BDNF: variants seen among roughly 807,000 people sequenced by gnomAD.
BDNF encodes the protein neurotrophic factor BDNF precursor form.
BDNF carries 1 observed loss-of-function variant against 19.5 expected under a neutral mutation model. That is an observed-to-expected ratio of 0.05 (90% CI 0.02 to 0.24). The LOEUF is 0.24. Among genes scored for constraint, BDNF ranks in the 10% least tolerant of loss-of-function variants. The pLI is 1.00. For synonymous variants in BDNF, 100 were observed against 121.6 expected (o/e 0.82, Z 1.17); for missense variants, 195 against 317.6 (o/e 0.61, Z 2.93).
At chr11:27,704,765 C>G (rs753936678), upstream of BDNF, among the ~76,000 whole-genome samples, 1 of 152,268 alleles carries the variant, frequency 6.6e-6, no homozygotes, top group Middle Eastern at 3.4e-3. Context: ...TTGTATGAGG[C>G]CTGTCCTGAG....
intron 1 of BDNF, among the ~76,000 whole-genome samples, chr11:27,670,002 C>G (rs1304542739): frequency 6.6e-6 from 1 of 152,184 alleles, no homozygotes; most frequent in South Asian, 2.1e-4. Flanking sequence ...TACCTGACTT[C>G]AAACTATATT....
At chr11:27,706,028 G>A (rs973636250) in intron 1 of BDNF, among the ~76,000 whole-genome samples, 5 of 152,208 alleles carry the variant, frequency 3.3e-5, no homozygotes, top group Non-Finnish European at 7.3e-5. Context: ...TTGGTGTGTA[G>A]AAAGATGATG....
chr11:27,708,367 A>C (rs1860193060), intron 1 of BDNF, among the ~76,000 whole-genome samples: 1 of 152,230 alleles, frequency 6.6e-6, no homozygotes, highest in African/African-American at 2.4e-5. Context: ...AACTAATTAG[A>C]GCAAAGTGAG....
intron 1 of BDNF, among the ~76,000 whole-genome samples, chr11:27,670,865 T>TA (rs1485297734): frequency 1.3e-5 from 2 of 152,216 alleles, no homozygotes; most frequent in Admixed American, 1.3e-4. Flanking sequence ...CTCTAGGATC[T>TA]AGAACTAGAA....
Position 27,686,361 on chromosome 11 carries a change from C to CCA in BDNF, c.-22+13802_-22+13803insTG, listed in dbSNP as rs1857484003. ...TTGACTCTTTATCCAATTTGCCAGT[C>CCA]TGTGGTCTTTTAATTGGGGCATTTA... On this transcript the variant is annotated intron_variant, in intron 1 of 1. Coordinates refer to ENST00000356660, the MANE Select transcript of BDNF (RefSeq NM_001709.5). Among the ~76,000 whole-genome samples the CCA allele has an allele frequency of 2.6e-5, 4 of 152,240 alleles. No individual in the cohort carries two copies. The South Asian group carries it at 8.3e-4, about 32-fold the overall frequency.
In BDNF at chr11:27,657,127, A is replaced by G; in HGVS notation, c.*694T>C. ...TTTTTATTCACTTTCTAGTCATCTG[A>G]TCGATATTGCAAACATCTTCACAAC... On this transcript the variant is annotated 3_prime_UTR_variant, in exon 2 of 2. Coordinates refer to ENST00000356660, the MANE Select transcript of BDNF (RefSeq NM_001709.5). The surrounding 1 kb of genome is among the most constrained non-coding windows in gnomAD (Gnocchi z 5.0). 1 of 984,128 alleles carries G rather than the reference A, an allele frequency of 1.0e-6. No individual in the cohort carries two copies. The highest frequency in any genetic ancestry group is 1.2e-6 in the Non-Finnish European group (1 of 828,452). The allele number at this position is 984,128 out of a possible 1,614,324, so 61.0% of individuals were successfully genotyped here.
intron 1 of BDNF, among the ~76,000 whole-genome samples, chr11:27,709,255 C>G (rs1388963764): frequency 6.6e-6 from 1 of 152,080 alleles, no homozygotes; most frequent in Non-Finnish European, 1.5e-5. Context: ...GTTGTCCAAT[C>G]TCAGATAAAA....
chr11:27,703,648 T>C (rs1356403291), upstream of BDNF, among the ~76,000 whole-genome samples: 2 of 152,224 alleles, frequency 1.3e-5, no homozygotes, highest in African/African-American at 2.4e-5. Flanking sequence ...CTTGACATTA[T>C]ATAAATAAAT....
At chr11:27,711,766 G>A (rs1418652211) in intron 1 of BDNF, among the ~76,000 whole-genome samples, 1 of 152,176 alleles carries the variant, frequency 6.6e-6, no homozygotes, top group Non-Finnish European at 1.5e-5. Context: ...ACAAATAACA[G>A]CACTGGATGA....
chr11:27,709,713 G>A (rs751809192), intron 1 of BDNF, among the ~76,000 whole-genome samples: 6 of 152,116 alleles, frequency 3.9e-5, no homozygotes, highest in African/African-American at 4.8e-5. Context: ...GATAGATATC[G>A]TAAGGGCCAT....
intron 1 of BDNF, among the ~76,000 whole-genome samples, chr11:27,663,760 C>T (rs1275763131): frequency 3.9e-5 from 6 of 152,108 alleles, no homozygotes; most frequent in East Asian, 1.9e-4. Context: ...GCTGTGACAA[C>T]GAAGGAGCTT....
chr11:27,675,093 A>G (rs900856639), intron 1 of BDNF: 1 of 199,664 alleles, frequency 5.0e-6, no homozygotes, highest in South Asian at 1.7e-4. Context: ...GCCTCTTTCC[A>G]TATGGGGTCA....
chr11:27,712,471 G>A (rs1011491286), intron 1 of BDNF, among the ~76,000 whole-genome samples: 1 of 151,684 alleles, frequency 6.6e-6, no homozygotes, highest in Admixed American at 6.6e-5. Flanking sequence ...GTACATCAAT[G>A]CCACTGGCTT....
At chr11:27,671,172 G>C (rs1300120740) in intron 1 of BDNF, among the ~76,000 whole-genome samples, 3 of 152,088 alleles carry the variant, frequency 2.0e-5, no homozygotes, top group East Asian at 3.9e-4. Context: ...TAGGGGTAGG[G>C]GGGAGGGATA....
intron 1 of BDNF, among the ~76,000 whole-genome samples, chr11:27,666,413 C>T (rs1424722940): frequency 6.6e-6 from 1 of 152,178 alleles, no homozygotes; most frequent in Non-Finnish European, 1.5e-5. Flanking sequence ...CAAAGCTGGA[C>T]AGAGAATGAC....
At chr11:27,679,077 T>C (rs181544405) in intron 1 of BDNF, among the ~76,000 whole-genome samples, 1 of 152,310 alleles carries the variant, frequency 6.6e-6, no homozygotes, top group African/African-American at 2.4e-5. Context: ...AGAACTATTT[T>C]GATTAGGCAA....
At position 27,658,382 on chromosome 11, in the gene BDNF, G is replaced by C; in HGVS notation, c.183C>G (p.Asp61Glu). The C allele has an allele frequency of 1.2e-6, 2 of 1,614,196 alleles. No homozygotes were observed. Among genetic ancestry groups the C allele is most frequent in the African/African-American group, 1.3e-5 (1 of 75,038 alleles). The change falls in exon 2 of 2, where the codon GAC becomes GAG. Residue 61 changes from aspartate (D) to glutamate (E), a missense_variant. Transcript: ENST00000356660. This position sits in a 1 kb window ranked among gnomAD's most constrained non-coding sequence, Gnocchi z 5.7. ...GCTCTTCTATCACGTGTTCGAAAGT[G>C]TCAGCCAATGATGTCAAGCCTCTTG... ...AGSRGLTSLA[D>E]TFEHVIEELL...
At chr11:27,683,796 T>A (rs1201564069) in intron 1 of BDNF, among the ~76,000 whole-genome samples, 1 of 152,220 alleles carries the variant, frequency 6.6e-6, no homozygotes, top group African/African-American at 2.4e-5. Context: ...CCATGATGTT[T>A]TGGTTACTGT....
upstream of BDNF, chr11:27,701,326 A>T: frequency 9.0e-7 from 1 of 1,105,918 alleles, no homozygotes; most frequent in Non-Finnish European, 1.1e-6. Flanking sequence ...CAAAGTAACC[A>T]TCAAGGCAGC....
Sources: gnomAD v4.1 joint callset for allele counts (sites outside exome capture counted in the v4.1 genomes callset) on GRCh38, gnomAD v4.1.1 for gene constraint, Gnocchi (gnomAD v3.1) non-coding constraint, MANE v1.5 for transcripts, NCBI Gene and HGNC (gene_info 2026-07-23, HGNC 2026-07-21) for gene names.